BBS9: variants seen among roughly 807,000 people sequenced by gnomAD.
BBS9 encodes the protein protein PTHB1.
Under a neutral mutation model 117.7 loss-of-function variants are expected in BBS9, and 89 were observed. The observed-to-expected ratio is 0.76, with a 90% CI of 0.64 to 0.90. BBS9 has a LOEUF of 0.90. BBS9 is among the 40% of genes least tolerant of loss of function. The pLI, the probability that BBS9 is intolerant of heterozygous loss-of-function variation, is 0.00. For missense variants in BBS9, 982 were observed against 1,042.2 expected, an observed-to-expected ratio of 0.94 and a Z score of 0.80; for synonymous variants, 379 against 370.9, an observed-to-expected ratio of 1.02 and a Z score of -0.25.
chr7:33,318,731 C>T lies in BBS9; in HGVS notation c.1017-17710C>T, dbSNP rs571673027. Among the ~76,000 whole-genome samples, 33 of 152,202 alleles carry T rather than the reference C, an allele frequency of 2.2e-4. No individual in the cohort carries two copies. The South Asian group carries it at 6.9e-3, about 32-fold the overall frequency. ...TTTGTAGTCTTTTATCCCTCACCCC[C>T]CTTCCTCTCCTTCCCTTCCCCAGTC... is the stretch of plus-strand genomic sequence containing the variant. On this transcript the variant is annotated intron_variant, in intron 9 of 22. Transcript: ENST00000242067.
intron 19 of BBS9, among the ~76,000 whole-genome samples, chr7:33,474,287 T>C (rs1346516145): frequency 6.6e-6 from 1 of 152,228 alleles, no homozygotes. Context: ...AACATTTGTA[T>C]GGATTATGGA....
At chr7:33,453,196 G>C (rs1479939245) in intron 19 of BBS9, among the ~76,000 whole-genome samples, 1 of 152,130 alleles carries the variant, frequency 6.6e-6, no homozygotes, top group Non-Finnish European at 1.5e-5. Context: ...TTTGCTCTTT[G>C]CATGGTCTTA....
chr7:33,592,796 T>C (rs117076010), intron 21 of BBS9, among the ~76,000 whole-genome samples: 224 of 152,184 alleles, frequency 1.5e-3, no homozygotes, highest in South Asian at 2.3e-3. Context: ...GCCAGGATCA[T>C]TGGGGAATGA....
intron 21 of BBS9, among the ~76,000 whole-genome samples, chr7:33,586,008 C>T (rs539702663): frequency 6.6e-6 from 1 of 152,008 alleles, no homozygotes; most frequent in East Asian, 1.9e-4. Context: ...ATCACTTTAC[C>T]TCTGATGCCT....
intron 20 of BBS9, among the ~76,000 whole-genome samples, chr7:33,512,921 C>G (rs1277894362): frequency 2.0e-5 from 3 of 152,144 alleles, no homozygotes; most frequent in Admixed American, 6.5e-5. Flanking sequence ...TCCGAAGTAG[C>G]CTTTTTGCCC....
intron 5 of BBS9, among the ~76,000 whole-genome samples, chr7:33,190,146 G>A (rs1190858318): frequency 7.8e-6 from 1 of 128,960 alleles, no homozygotes; most frequent in African/African-American, 3.0e-5. Flanking sequence ...TTGAGACTGA[G>A]TCTCGCTCTG....
At chr7:33,551,395 A>G (rs533572907) in intron 21 of BBS9, among the ~76,000 whole-genome samples, 129 of 152,210 alleles carry the variant, frequency 8.5e-4, no homozygotes, top group African/African-American at 3.0e-3. Context: ...ATTACCTGAT[A>G]TTTTTACCTG....
At chr7:33,619,671 A>C (rs1865310687) in intron 21 of BBS9, among the ~76,000 whole-genome samples, 1 of 152,154 alleles carries the variant, frequency 6.6e-6, no homozygotes, top group South Asian at 2.1e-4. Flanking sequence ...CTTTTACCTC[A>C]ATGCTATGAA....
intron 19 of BBS9, among the ~76,000 whole-genome samples, chr7:33,449,379 G>A (rs936716983): frequency 4.6e-5 from 7 of 152,110 alleles, no homozygotes; most frequent in Non-Finnish European, 7.4e-5. Context: ...GGACAGATTT[G>A]TTTCCCAAAT....
chr7:33,149,298 T>C (rs1792929759), intron 2 of BBS9, among the ~76,000 whole-genome samples: 1 of 152,184 alleles, frequency 6.6e-6, no homozygotes, highest in South Asian at 2.1e-4. Flanking sequence ...TAAGAATGTA[T>C]ACCGATGTAG....
At chr7:33,172,294 T>G (rs1796698224) in intron 4 of BBS9, among the ~76,000 whole-genome samples, 1 of 151,352 alleles carries the variant, frequency 6.6e-6, no homozygotes, top group Non-Finnish European at 1.5e-5. Flanking sequence ...GGCAGGAGAA[T>G]GGCATTAACC....
intron 19 of BBS9, among the ~76,000 whole-genome samples, chr7:33,500,053 A>G (rs879440271): frequency 2.0e-5 from 3 of 150,018 alleles, no homozygotes; most frequent in Non-Finnish European, 2.9e-5. Flanking sequence ...CTCTTTGTTA[A>G]GAAAAAAACC....
intron 5 of BBS9, among the ~76,000 whole-genome samples, chr7:33,236,319 C>A (rs1402538656): frequency 4.3e-5 from 4 of 92,956 alleles, no homozygotes; most frequent in African/African-American, 1.7e-4. Flanking sequence ...GAGTGATACT[C>A]CATCTCAAAA....
intron 21 of BBS9, among the ~76,000 whole-genome samples, chr7:33,553,045 A>G (rs1395560638): frequency 5.9e-5 from 9 of 152,122 alleles, no homozygotes; most frequent in Non-Finnish European, 4.4e-5. Flanking sequence ...TGCCTTGAAT[A>G]CTGTCCTCTA....
chr7:33,600,669 T>C (rs1037600203), intron 21 of BBS9, among the ~76,000 whole-genome samples: 1 of 152,170 alleles, frequency 6.6e-6, no homozygotes, highest in African/African-American at 2.4e-5. Context: ...GGCTTATACA[T>C]GGGGCTCAGA....
At position 33,252,163 on chromosome 7, in the gene BBS9, C is replaced by T. The variant is rs775322925; in HGVS notation, c.443-5073C>T. On this transcript the variant is annotated intron_variant, in intron 5 of 22. Coordinates refer to ENST00000242067, the MANE Select transcript of BBS9 (RefSeq NM_198428.3). ...TACACACTTTTAAACAACAAGATGT[C>T]GTGATAAATCACTCACTATCATAAG... is the stretch of plus-strand genomic sequence containing the variant. 5.3e-5 allele frequency among the ~76,000 whole-genome samples: 8 copies of T among 152,062 alleles called. No individual in the cohort carries two copies. The East Asian group carries it at 1.2e-3, about 22-fold the overall frequency.
At chr7:33,448,213 T>G (rs934033781) in intron 19 of BBS9, among the ~76,000 whole-genome samples, 1 of 152,160 alleles carries the variant, frequency 6.6e-6, no homozygotes, top group Non-Finnish European at 1.5e-5. Flanking sequence ...GGACTTTTTC[T>G]GATTTCAGCT....
chr7:33,168,972 C>G (rs1796112415), intron 4 of BBS9, among the ~76,000 whole-genome samples: 1 of 151,952 alleles, frequency 6.6e-6, no homozygotes, highest in African/African-American at 2.4e-5. Flanking sequence ...CCCCCCACCC[C>G]ACCACAGTCC....
At chr7:33,560,341 C>T (rs1855906066) in intron 21 of BBS9, among the ~76,000 whole-genome samples, 1 of 152,140 alleles carries the variant, frequency 6.6e-6, no homozygotes, top group African/African-American at 2.4e-5. Flanking sequence ...TTTAGTCTTC[C>T]CATCACATTA....
Sources: gnomAD v4.1 joint callset for allele counts (sites outside exome capture counted in the v4.1 genomes callset) on GRCh38, gnomAD v4.1.1 for gene constraint, MANE v1.5 for transcripts, NCBI Gene and HGNC (gene_info 2026-07-23, HGNC 2026-07-21) for gene names.